The following CSMD1 variants were observed in gnomAD, a reference collection of about 807,000 sequenced individuals.
CSMD1 encodes CUB and sushi domain-containing protein 1.
CSMD1 carries 213 observed loss-of-function variants against 417.5 expected under a neutral mutation model. The ratio of observed to expected loss-of-function variants is 0.51; its 90% confidence interval spans 0.46 to 0.57. The LOEUF is 0.57. Ranked by LOEUF, CSMD1 falls within the 20% of genes least tolerant of loss-of-function variation. The pLI is 0.00. For synonymous variants in CSMD1, 2,862 were observed against 1,736.8 expected (o/e 1.65, Z -16.11); for missense variants, 6,923 against 4,529.7 (o/e 1.53, Z -15.17).
At chr8:3,368,222 G>T (rs994925231) in intron 19 of CSMD1, among the ~76,000 whole-genome samples, 9 of 152,140 alleles carry the variant, frequency 5.9e-5, no homozygotes, top group African/African-American at 2.2e-4. Flanking sequence ...TGGCAGCATA[G>T]TGCCACACAG....
chr8:3,566,058 T>C (rs1799692388), intron 10 of CSMD1, among the ~76,000 whole-genome samples: 1 of 152,138 alleles, frequency 6.6e-6, no homozygotes, highest in Admixed American at 6.5e-5. Flanking sequence ...GGACCCTGTT[T>C]ATATCTTTCT....
chr8:4,130,793 C>G (rs555535032), intron 3 of CSMD1, among the ~76,000 whole-genome samples: 2 of 151,782 alleles, frequency 1.3e-5, no homozygotes, highest in Admixed American at 6.6e-5. Context: ...TCTGTCAATG[C>G]TTACAAATTA....
At chr8:4,095,171 C>T (rs369608736) in intron 3 of CSMD1, among the ~76,000 whole-genome samples, 39 of 152,212 alleles carry the variant, frequency 2.6e-4, no homozygotes, top group South Asian at 6.2e-4. Context: ...TTGTTGGGGA[C>T]GGATAGCCAC....
At chr8:4,035,752 G>A (rs950157961) in intron 3 of CSMD1, among the ~76,000 whole-genome samples, 1 of 152,078 alleles carries the variant, frequency 6.6e-6, no homozygotes, top group Non-Finnish European at 1.5e-5. Flanking sequence ...TGAAAAAGAA[G>A]TTTATGAAGT....
At chr8:3,536,669 G>A (rs1400851260) in intron 10 of CSMD1, among the ~76,000 whole-genome samples, 2 of 152,178 alleles carry the variant, frequency 1.3e-5, no homozygotes, top group African/African-American at 2.4e-5. Context: ...GGTCAGAAGT[G>A]TAGGCACAGA....
At chr8:3,673,039 A>C (rs1283187587) in intron 7 of CSMD1, among the ~76,000 whole-genome samples, 3 of 152,196 alleles carry the variant, frequency 2.0e-5, no homozygotes, top group Non-Finnish European at 2.9e-5. Context: ...TCATCTCTAG[A>C]AAGTGAGCAT....
chr8:3,497,012 T>G (rs1250227223), intron 10 of CSMD1, among the ~76,000 whole-genome samples: 1 of 152,226 alleles, frequency 6.6e-6, no homozygotes, highest in African/African-American at 2.4e-5. Context: ...ATACTTGATA[T>G]GATTTAGATT....
intron 3 of CSMD1, among the ~76,000 whole-genome samples, chr8:4,308,805 T>TA (rs1798398286): frequency 6.6e-6 from 1 of 152,206 alleles, no homozygotes; most frequent in Non-Finnish European, 1.5e-5. Flanking sequence ...GATGAGTTAT[T>TA]ATGCTATTGT....
At chr8:4,641,456 T>C (rs1803183090) in intron 1 of CSMD1, among the ~76,000 whole-genome samples, 2 of 152,154 alleles carry the variant, frequency 1.3e-5, no homozygotes, top group Admixed American at 6.5e-5. Flanking sequence ...AATTCTGTCT[T>C]ATACTGTTGG....
chr8:4,840,518 G>C (rs9650518), intron 1 of CSMD1, among the ~76,000 whole-genome samples: 2,287 of 152,294 alleles, frequency 0.015, 35 homozygotes, highest in Non-Finnish European at 0.026. Flanking sequence ...ATGGTGGTGA[G>C]ACTTGCTGAA....
chr8:4,884,638 T>C (rs1447586101), intron 1 of CSMD1, among the ~76,000 whole-genome samples: 1 of 152,134 alleles, frequency 6.6e-6, no homozygotes, highest in Non-Finnish European at 1.5e-5. Context: ...TATTACTTTA[T>C]TTGAATTGTC....
At chr8:3,548,503 A>G (rs1195398461) in intron 10 of CSMD1, among the ~76,000 whole-genome samples, 1 of 151,622 alleles carries the variant, frequency 6.6e-6, no homozygotes, top group East Asian at 2.0e-4. Flanking sequence ...ATGCCTTTCC[A>G]TCCTCATAGC....
At chr8:3,470,764 T>C (rs912658608) in intron 11 of CSMD1, among the ~76,000 whole-genome samples, 1 of 152,186 alleles carries the variant, frequency 6.6e-6, no homozygotes, top group Non-Finnish European at 1.5e-5. Context: ...ATCATACAAA[T>C]GAAATCACAG....
At chr8:3,487,293 CT>C (rs1188061006) in intron 11 of CSMD1, among the ~76,000 whole-genome samples, 4 of 152,182 alleles carry the variant, frequency 2.6e-5, no homozygotes, top group Admixed American at 6.5e-5. Flanking sequence ...GCTCCACCTC[CT>C]GGGTTCACGC....
intron 1 of CSMD1, among the ~76,000 whole-genome samples, chr8:4,740,419 T>A (rs1343342292): frequency 6.6e-6 from 1 of 152,194 alleles, no homozygotes; most frequent in East Asian, 1.9e-4. Context: ...TTTTCTTGCT[T>A]ACTCTGTTTC....
chr8:3,501,940 A>T lies in CSMD1; in HGVS notation c.1345-8214T>A, dbSNP rs75453184. On this transcript the variant is annotated intron_variant, in intron 10 of 69. Coordinates refer to ENST00000635120, the MANE Select transcript of CSMD1 (RefSeq NM_033225.6). ...GGATAAATATACGTTTAAATTTCCT[A>T]CAAAAGAACACATACAACAATCATT... Among the ~76,000 whole-genome samples, 316 of 152,322 alleles carry T rather than the reference A, an allele frequency of 2.1e-3. 4 individuals are homozygous for T. The highest frequency in any genetic ancestry group is 7.3e-3 in the African/African-American group (303 of 41,580).
rs367831815 is a variant in CSMD1 at position 4,832,470 on chromosome 8, T to A, written c.85+161862A>T. ...TGTGGCCAGGGAAAAAATTACAAAT[T>A]GTTCATGTAAATAAGTAAGGGGACT... On this transcript the variant is annotated intron_variant, in intron 1 of 69. Transcript: ENST00000635120. 2.0e-5 allele frequency among the ~76,000 whole-genome samples: 3 copies of A among 152,246 alleles called. No homozygotes were observed. The East Asian group carries it at 5.8e-4, about 29-fold the overall frequency.
intron 5 of CSMD1, among the ~76,000 whole-genome samples, chr8:3,791,352 T>C (rs540585119): frequency 6.6e-6 from 1 of 152,270 alleles, no homozygotes; most frequent in Admixed American, 6.5e-5. Flanking sequence ...CCTGAAACAA[T>C]GTGAAAAAAT....
chr8:4,499,388 G>A (rs533674544), intron 2 of CSMD1, among the ~76,000 whole-genome samples: 1 of 152,284 alleles, frequency 6.6e-6, no homozygotes, highest in South Asian at 2.1e-4. Context: ...TCTGCAGAGA[G>A]GGGTCAGGTT....
Sources: gnomAD v4.1 joint callset for allele counts (sites outside exome capture counted in the v4.1 genomes callset) on GRCh38, gnomAD v4.1.1 for gene constraint, MANE v1.5 for transcripts, NCBI Gene and HGNC (gene_info 2026-07-23, HGNC 2026-07-21) for gene names.